The following NBAS variants were observed in gnomAD, a reference collection of about 807,000 sequenced individuals.
NBAS encodes the protein NBAS subunit of NRZ tethering complex, also known as NAG/BC035112 fusion.
A neutral mutation model predicts 302.5 loss-of-function variants in NBAS; 219 were observed. That is an observed-to-expected ratio of 0.72 (90% CI 0.65 to 0.81). NBAS has a LOEUF of 0.81. Among genes scored for constraint, NBAS ranks in the 30% least tolerant of loss-of-function variants. NBAS has a pLI of 0.00. For synonymous variants in NBAS, 1,118 were observed against 1,021.6 expected (o/e 1.09, Z -1.80); for missense variants, 2,932 against 2,841.6 (o/e 1.03, Z -0.72).
chr2:14,848,000 T>C, the NBAS span, among the ~76,000 whole-genome samples: 1 of 152,088 alleles, frequency 6.6e-6, no homozygotes, highest in Non-Finnish European at 1.5e-5. Flanking sequence ...TACAGACATA[T>C]GGAAATTAAA....
At chr2:15,312,959 T>C (rs1276082307) in intron 38 of NBAS, among the ~76,000 whole-genome samples, 1 of 152,232 alleles carries the variant, frequency 6.6e-6, no homozygotes, top group African/African-American at 2.4e-5. Context: ...CTGCTCTACC[T>C]GATGCCTTCA....
At chr2:15,157,319 G>C in the NBAS span, among the ~76,000 whole-genome samples, 1 of 152,120 alleles carries the variant, frequency 6.6e-6, no homozygotes, top group Admixed American at 6.5e-5. Flanking sequence ...ATTAACCATA[G>C]AAGCTTCTAC....
intron 11 of NBAS, among the ~76,000 whole-genome samples, chr2:15,490,097 T>C: frequency 1.1e-5 from 1 of 92,732 alleles, no homozygotes; most frequent in Non-Finnish European, 2.7e-5. Flanking sequence ...GCTCCAGTAT[T>C]GGGGTCAAAT....
intron 38 of NBAS, among the ~76,000 whole-genome samples, chr2:15,318,805 C>T (rs978218189): frequency 1.1e-4 from 16 of 152,106 alleles, no homozygotes; most frequent in African/African-American, 3.6e-4. Context: ...TAATGGGAGA[C>T]GTTAACACCC....
At chr2:15,205,671 A>T (rs2147846167) in intron 48 of NBAS, among the ~76,000 whole-genome samples, 1 of 152,176 alleles carries the variant, frequency 6.6e-6, no homozygotes, top group Non-Finnish European at 1.5e-5. Context: ...ATTTTAGGGG[A>T]ATGGCCTGGT....
chr2:15,126,914 T>C, the NBAS span, among the ~76,000 whole-genome samples: 1 of 152,212 alleles, frequency 6.6e-6, no homozygotes, highest in African/African-American at 2.4e-5. Context: ...AGGTACCTTC[T>C]TCACCTGCCC....
chr2:15,163,697 C>A (rs1248620379), downstream of NBAS, among the ~76,000 whole-genome samples: 3 of 152,138 alleles, frequency 2.0e-5, no homozygotes, highest in African/African-American at 7.2e-5. Flanking sequence ...AATCTGCACA[C>A]ACCTTCTGGA....
At chr2:15,242,973 T>C (rs1018554796) in intron 44 of NBAS, among the ~76,000 whole-genome samples, 27 of 152,080 alleles carry the variant, frequency 1.8e-4, no homozygotes, top group African/African-American at 6.3e-4. Context: ...GGAGATAATA[T>C]AGTGAGAAGG....
At chr2:15,168,804 T>G (rs1664153858) in intron 51 of NBAS, among the ~76,000 whole-genome samples, 1 of 152,160 alleles carries the variant, frequency 6.6e-6, no homozygotes, top group South Asian at 2.1e-4. Context: ...TAATTTTTTG[T>G]ATTTATTAGA....
chr2:15,146,784 G>A, the NBAS span, among the ~76,000 whole-genome samples: 1 of 152,116 alleles, frequency 6.6e-6, no homozygotes, highest in African/African-American at 2.4e-5. Context: ...GCCCCACATG[G>A]CAGGCATCAC....
downstream of NBAS, among the ~76,000 whole-genome samples, chr2:15,166,711 C>T (rs759434817): frequency 1.2e-4 from 18 of 152,158 alleles, no homozygotes; most frequent in Non-Finnish European, 2.4e-4. Context: ...ACACTCCCTC[C>T]CTTCCTAATG....
chr2:15,507,407 G>A (rs937353278), intron 10 of NBAS, among the ~76,000 whole-genome samples: 2 of 151,950 alleles, frequency 1.3e-5, no homozygotes, highest in East Asian at 3.9e-4. Context: ...TATTGAAAAA[G>A]CAGCAGCAGC....
the NBAS span, among the ~76,000 whole-genome samples, chr2:14,990,278 G>T: frequency 7.3e-6 from 1 of 137,868 alleles, no homozygotes; most frequent in Non-Finnish European, 1.6e-5. Context: ...AAAAAAAAAA[G>T]CTGGGCATGG....
the NBAS span, among the ~76,000 whole-genome samples, chr2:15,132,035 T>G: frequency 6.6e-6 from 1 of 152,186 alleles, no homozygotes; most frequent in African/African-American, 2.4e-5. Flanking sequence ...CAACATGAGA[T>G]TTGGCCGAGA....
the NBAS span, among the ~76,000 whole-genome samples, chr2:15,022,555 C>T: frequency 2.2e-3 from 337 of 152,324 alleles, 2 homozygotes; most frequent in African/African-American, 7.5e-3. Context: ...CTTCCCTCAA[C>T]CAAGCCATTC....
chr2:15,091,807 A>G, the NBAS span, among the ~76,000 whole-genome samples: 1 of 152,268 alleles, frequency 6.6e-6, no homozygotes, highest in East Asian at 1.9e-4. Flanking sequence ...GGCTGGAATT[A>G]CAGGTATGAG....
At chr2:15,491,435 G>A (rs1482566602) in intron 11 of NBAS, among the ~76,000 whole-genome samples, 5 of 152,108 alleles carry the variant, frequency 3.3e-5, no homozygotes, top group Non-Finnish European at 5.9e-5. Context: ...TTCAAAGCTA[G>A]CATTAAAAAT....
At chr2:14,824,912 T>C in the NBAS span, among the ~76,000 whole-genome samples, 1 of 152,004 alleles carries the variant, frequency 6.6e-6, no homozygotes, top group Non-Finnish European at 1.5e-5. Flanking sequence ...AGTGAAGTGG[T>C]TCAGGAGCTG....
At chr2:15,314,190 C>A (rs1671403757) in intron 38 of NBAS, among the ~76,000 whole-genome samples, 1 of 152,080 alleles carries the variant, frequency 6.6e-6, no homozygotes, top group Non-Finnish European at 1.5e-5. Context: ...CCCATCTCTA[C>A]TAAAAATACA....
Sources: gnomAD v4.1 joint callset for allele counts (sites outside exome capture counted in the v4.1 genomes callset) on GRCh38, gnomAD v4.1.1 for gene constraint, MANE v1.5 for transcripts, NCBI Gene and HGNC (gene_info 2026-07-23, HGNC 2026-07-21) for gene names.